The following RBFOX2 variants were observed in gnomAD, a reference collection of about 807,000 sequenced individuals.
RBFOX2 encodes the protein RNA binding protein fox-1 homolog 2.
In RBFOX2, 10 loss-of-function variants were observed where a neutral mutation model predicts 49.1. The ratio of observed to expected loss-of-function variants is 0.20; its 90% CI spans 0.13 to 0.35. The LOEUF is 0.35. RBFOX2 is among the 10% of genes least tolerant of loss of function. The pLI, the probability that RBFOX2 is intolerant of heterozygous loss-of-function variation, is 1.00. For missense variants in RBFOX2, 323 were observed against 486.9 expected (o/e 0.66, Z 3.17); for synonymous variants, 183 against 187.4 (o/e 0.98, Z 0.19).
chr22:35,853,658 CGTGTGTGTGTGTGTGTGTGT>C (rs36048607), intron 1 of RBFOX2, among the ~76,000 whole-genome samples: 17,087 of 141,080 alleles, frequency 0.12, 2,001 homozygotes, highest in African/African-American at 0.31. Flanking sequence ...TATATACACA[CGTGTGTGTGTGTGTGTGTGT>C]GTGTGTGTGT....
chr22:35,848,160 C>T (rs2041457569), intron 1 of RBFOX2, among the ~76,000 whole-genome samples: 1 of 152,100 alleles, frequency 6.6e-6, no homozygotes, highest in Non-Finnish European at 1.5e-5. Flanking sequence ...CAGAAATTTA[C>T]TGTTCACAGA....
At chr22:36,026,051 G>A (rs2059420615) in intron 1 of RBFOX2, among the ~76,000 whole-genome samples, 1 of 152,124 alleles carries the variant, frequency 6.6e-6, no homozygotes, top group Admixed American at 6.5e-5. Context: ...AATCACCTGA[G>A]GTCAGGAGTT....
At chr22:35,766,738 C>T (rs1029389039) in intron 5 of RBFOX2, among the ~76,000 whole-genome samples, 1 of 152,126 alleles carries the variant, frequency 6.6e-6, no homozygotes, top group Admixed American at 6.6e-5. Context: ...GCAAGGTTCT[C>T]ACAGACAAGG....
At chr22:35,819,153 T>C (rs895915071) in intron 1 of RBFOX2, among the ~76,000 whole-genome samples, 12 of 152,294 alleles carry the variant, frequency 7.9e-5, no homozygotes, top group Admixed American at 6.5e-4. Context: ...ATATAGGAAG[T>C]GCCCTTTAGA....
intron 1 of RBFOX2, among the ~76,000 whole-genome samples, chr22:35,852,750 T>C (rs928387203): frequency 6.6e-6 from 1 of 152,226 alleles, no homozygotes; most frequent in Non-Finnish European, 1.5e-5. Flanking sequence ...AATAATGAAC[T>C]ATGACTGACT....
chr22:36,021,128 G>A (rs1420774916), intron 1 of RBFOX2, among the ~76,000 whole-genome samples: 2 of 151,616 alleles, frequency 1.3e-5, no homozygotes, highest in Non-Finnish European at 2.9e-5. Context: ...CCATCATTCT[G>A]AGCAAACTAT....
At chr22:35,983,656 A>T (rs781446145) in intron 1 of RBFOX2, among the ~76,000 whole-genome samples, 3 of 152,194 alleles carry the variant, frequency 2.0e-5, no homozygotes. Context: ...TTCCTAGATC[A>T]TCAAATCCTG....
At chr22:35,799,154 T>C (rs1333248211) in intron 2 of RBFOX2, among the ~76,000 whole-genome samples, 2 of 152,184 alleles carry the variant, frequency 1.3e-5, no homozygotes, top group African/African-American at 4.8e-5. Flanking sequence ...ATCCAACAGG[T>C]AGTTAGAATA....
At chr22:35,888,198 A>G (rs2046823961) in intron 1 of RBFOX2, among the ~76,000 whole-genome samples, 1 of 152,190 alleles carries the variant, frequency 6.6e-6, no homozygotes, top group Non-Finnish European at 1.5e-5. Context: ...CACATACATC[A>G]AATTTATGAT....
At chr22:35,778,204 G>A in intron 3 of RBFOX2, 126 bp from the exon 5 acceptor site, 1 of 753,350 alleles carries the variant, frequency 1.3e-6, no homozygotes, top group Non-Finnish European at 2.1e-6. Context: ...TTCTATGTTT[G>A]TATTTGTTAG....
At chr22:35,944,954 C>T (rs953571836) in intron 1 of RBFOX2, among the ~76,000 whole-genome samples, 4 of 151,824 alleles carry the variant, frequency 2.6e-5, no homozygotes, top group Admixed American at 2.6e-4. Flanking sequence ...AAAACAACAA[C>T]GACAACAAAA....
intron 1 of RBFOX2, among the ~76,000 whole-genome samples, chr22:35,828,714 CAG>C (rs941532257): frequency 3.9e-5 from 6 of 152,236 alleles, no homozygotes; most frequent in African/African-American, 1.4e-4. Flanking sequence ...AAAAATTAAC[CAG>C]AGACTAAACA....
intron 1 of RBFOX2, among the ~76,000 whole-genome samples, chr22:35,819,213 G>A (rs1379782162): frequency 6.6e-6 from 1 of 152,080 alleles, no homozygotes; most frequent in Non-Finnish European, 1.5e-5. Flanking sequence ...TGCTTCTGCA[G>A]TATAAGTCTA....
At position 35,792,332 on chromosome 22, in the gene RBFOX2, AAAGAAAAGAAAAG is replaced by A. The variant is rs1449090203; in HGVS notation, c.253-10599_253-10587del. On this transcript the variant is annotated intron_variant, in intron 2 of 11. Transcript: ENST00000405409. ...CTCCGTCTCAAAAAAAAAAAAAAAA[AAAGAAAAGAAAAG>A]AAAAGAAAAGAAAAGAAAAGAAAAA... Among the ~76,000 whole-genome samples the A allele has an allele frequency of 3.8e-3, 370 of 97,974 alleles. 2 individuals carry two copies. Among genetic ancestry groups the A allele is most frequent in the African/African-American group, 0.015 (253 of 17,048 alleles). 64.3% of individuals were successfully genotyped at this position (97,974 alleles called of 152,430 possible).
intron 1 of RBFOX2, among the ~76,000 whole-genome samples, chr22:35,832,992 T>G (rs1957066849): frequency 6.6e-6 from 1 of 152,224 alleles, no homozygotes; most frequent in Admixed American, 6.5e-5. Flanking sequence ...GTCATGGGTA[T>G]CCTAATTACT....
intron 1 of RBFOX2, among the ~76,000 whole-genome samples, chr22:35,930,213 G>T (rs2149672294): frequency 6.6e-6 from 1 of 151,568 alleles, no homozygotes; most frequent in Non-Finnish European, 1.5e-5. Flanking sequence ...TAGAGATAGG[G>T]TTTCCCCATG....
intron 1 of RBFOX2, among the ~76,000 whole-genome samples, chr22:35,915,034 C>CT (rs1390253106): frequency 6.6e-6 from 1 of 152,184 alleles, no homozygotes; most frequent in African/African-American, 2.4e-5. Context: ...ACCAACCCTC[C>CT]TCCCCCTTTG....
intron 3 of RBFOX2, among the ~76,000 whole-genome samples, chr22:35,779,719 G>C (rs987018352): frequency 3.3e-5 from 5 of 152,176 alleles, no homozygotes; most frequent in African/African-American, 1.2e-4. Context: ...TAATGAAATG[G>C]AGCATGGATG....
intron 1 of RBFOX2, among the ~76,000 whole-genome samples, chr22:35,980,303 T>C (rs901418873): frequency 2.0e-5 from 3 of 152,174 alleles, no homozygotes; most frequent in African/African-American, 7.2e-5. Context: ...TCTCCAACTA[T>C]TCCTTCCCTT....
Sources: allele counts gnomAD v4.1 joint callset (sites outside exome capture counted in the v4.1 genomes callset), GRCh38; gene constraint gnomAD v4.1.1; transcripts MANE v1.5; gene names NCBI Gene and HGNC (gene_info 2026-07-23, HGNC 2026-07-21).